ELF1: variants seen among roughly 807,000 people sequenced by gnomAD.
The protein encoded by ELF1 is E74 like ETS transcription factor 1.
In ELF1, 24 loss-of-function variants were observed where a neutral mutation model predicts 59.9. The ratio of observed to expected loss-of-function variants is 0.40; its 90% CI spans 0.29 to 0.56. ELF1 has a LOEUF of 0.56. Ranked by LOEUF, ELF1 falls within the 20% of genes least tolerant of loss-of-function variation. ELF1 has a pLI of 0.44. For missense variants in ELF1, 627 were observed against 742.2 expected, an observed-to-expected ratio of 0.84 and a Z score of 1.80; for synonymous variants, 248 against 266.2, an observed-to-expected ratio of 0.93 and a Z score of 0.67.
At chr13:41,053,887 G>A (rs1877190130) in intron 1 of ELF1, among the ~76,000 whole-genome samples, 2 of 152,054 alleles carry the variant, frequency 1.3e-5, no homozygotes, top group African/African-American at 4.8e-5. Context: ...TACAATTAAG[G>A]CAATCCATCC....
intron 1 of ELF1, among the ~76,000 whole-genome samples, chr13:41,006,565 A>G (rs1336404718): frequency 6.6e-6 from 1 of 152,208 alleles, no homozygotes; most frequent in Non-Finnish European, 1.5e-5. Flanking sequence ...TACCAAGGGC[A>G]GATAAGTATT....
At chr13:41,060,910 C>T (rs1262902455) in exon 1 of ELF1, 2 of 277,186 alleles carry the variant, frequency 7.2e-6, no homozygotes, top group African/African-American at 4.7e-5. Flanking sequence ...ACTGAAGCTG[C>T]TGCTGCCGCC....
intron 3 of ELF1, among the ~76,000 whole-genome samples, chr13:40,956,442 C>T (rs1043848792): frequency 2.0e-5 from 3 of 151,928 alleles, no homozygotes; most frequent in African/African-American, 7.3e-5. Context: ...TGTGGAAGGC[C>T]GCAGGGTCCT....
intron 5 of ELF1, among the ~76,000 whole-genome samples, 170 bp from the exon 6 acceptor site, chr13:40,944,095 T>G (rs1442706909): frequency 1.3e-5 from 2 of 152,226 alleles, no homozygotes; most frequent in African/African-American, 2.4e-5. Context: ...ACAACTTTAA[T>G]AAAACTTGGA....
chr13:40,940,375 C>G (rs9562246), intron 8 of ELF1, among the ~76,000 whole-genome samples: 2 of 120,418 alleles, frequency 1.7e-5, no homozygotes, highest in Non-Finnish European at 3.2e-5. Context: ...TGAGGCAAAT[C>G]TGATTTAACT....
intron 1 of ELF1, among the ~76,000 whole-genome samples, chr13:41,054,296 G>A (rs1301089307): frequency 6.6e-6 from 1 of 152,148 alleles, no homozygotes; most frequent in Non-Finnish European, 1.5e-5. Flanking sequence ...TCTATTTAAT[G>A]AGCATCACTG....
chr13:40,944,899 C>A (rs1870411290), intron 5 of ELF1, among the ~76,000 whole-genome samples: 1 of 151,976 alleles, frequency 6.6e-6, no homozygotes, highest in Non-Finnish European at 1.5e-5. Flanking sequence ...ATCACAAGGT[C>A]AGTGACAATT....
chr13:40,982,244 C>A lies in ELF1; in HGVS notation c.-190G>T. 3.9e-6 allele frequency: 5 copies of A among 1,271,738 alleles called. No homozygotes were observed. Among genetic ancestry groups the A allele is most frequent in the Middle Eastern group, 2.1e-4 (1 of 4,724 alleles). 78.8% of individuals were successfully genotyped at this position (1,271,738 alleles called of 1,614,324 possible). On this transcript the variant is annotated 5_prime_UTR_variant, in exon 2 of 9. Transcript: ENST00000239882. Reference sequence around the variant, plus strand: ...CATTGATATTCTAGTCAAATTGAGACAATTTTTCTGAAATTTTTCTTCTCT... The same window carrying A: ...CATTGATATTCTAGTCAAATTGAGAAAATTTTTCTGAAATTTTTCTTCTCT...
intron 1 of ELF1, among the ~76,000 whole-genome samples, chr13:41,039,336 T>TTA (rs1491580617): frequency 8.7e-5 from 9 of 102,894 alleles, no homozygotes; most frequent in African/African-American, 2.6e-4. Flanking sequence ...GTCCTTTTTT[T>TTA]AAAAAAAAAA....
At chr13:41,051,745 T>C (rs1877096688) in intron 1 of ELF1, among the ~76,000 whole-genome samples, 1 of 152,112 alleles carries the variant, frequency 6.6e-6, no homozygotes, top group Admixed American at 6.5e-5. Flanking sequence ...GCTAGGCACC[T>C]TCCCACAAAT....
upstream of ELF1, among the ~76,000 whole-genome samples, chr13:41,023,705 C>G (rs192793446): frequency 6.6e-6 from 1 of 152,294 alleles, no homozygotes; most frequent in Non-Finnish European, 1.5e-5. Flanking sequence ...GTACTTTTTA[C>G]CACCCACAAA....
Position 40,956,065 on chromosome 13 carries a change from G to A in ELF1, c.253+2771C>T, listed in dbSNP as rs576267572. 3.3e-5 allele frequency among the ~76,000 whole-genome samples: 5 copies of A among 149,690 alleles called. No homozygotes were observed. The South Asian group carries it at 1.1e-3, about 33-fold the overall frequency. ...CTCTGCCCGGCCACCACCCCGTCTG[G>A]GAGGTGTACTCAACAGCTCATTGAG... On this transcript the variant is annotated intron_variant, in intron 3 of 8. Coordinates refer to ENST00000239882, the MANE Select transcript of ELF1 (RefSeq NM_172373.4).
At chr13:41,031,331 G>T (rs1876153620) in intron 1 of ELF1, among the ~76,000 whole-genome samples, 1 of 152,090 alleles carries the variant, frequency 6.6e-6, no homozygotes, top group Admixed American at 6.5e-5. Context: ...ACAACTAACT[G>T]TAAGTGTGGA....
In ELF1 at chr13:40,951,352, G is replaced by A. The variant is rs371592585; in HGVS notation, c.338C>T (p.Pro113Leu). 50 of 1,611,906 alleles carry A rather than the reference G, an allele frequency of 3.1e-5. No homozygotes were observed. The highest frequency in any genetic ancestry group is 5.3e-5 in the African/African-American group (4 of 74,792). The change falls in exon 4 of 9, where the codon CCT (proline) becomes CTT (leucine). Residue 113 changes from proline to leucine, a missense_variant. Transcript: ENST00000239882. The stretch of plus-strand genomic sequence containing the variant: ...ACTTATTCGTTTTTCATCCAGCATA[G>A]GGCCAGGGGAATCCATATTGAGGAG... ...EALLNMDSPG[P>L]MLDEKRINNN...
intron 1 of ELF1, among the ~76,000 whole-genome samples, chr13:41,002,161 C>T (rs576247083): frequency 2.6e-5 from 4 of 152,192 alleles, no homozygotes; most frequent in Non-Finnish European, 5.9e-5. Flanking sequence ...CCAGGTAAAG[C>T]TGATTTACTT....
At chr13:40,993,245 A>G in intron 1 of ELF1, 1 of 1,580,918 alleles carries the variant, frequency 6.3e-7, no homozygotes. Flanking sequence ...CACCAACAAA[A>G]GCAACAGATG....
rs397705498 is a variant in ELF1 at position 40,944,878 on chromosome 13, T to TA, written c.530-954dup. ...ACTTAGAAAAGCAGAATTTTACAGC[T>TA]AAAAAAAAAAATCACAAGGTCAGTG... On this transcript the variant is annotated intron_variant, in intron 5 of 8. Coordinates refer to ENST00000239882, the MANE Select transcript of ELF1 (RefSeq NM_172373.4). Among the ~76,000 whole-genome samples the TA allele has an allele frequency of 8.3e-3, 1,201 of 145,086 alleles. 13 individuals are homozygous for TA. The highest frequency in any genetic ancestry group is 0.028 in the African/African-American group (1,112 of 39,722).
rs957863807 is a variant in ELF1, at chr13:41,030,814, GT to G, written c.-229+30023del. ...AGAGAAAGCTTTTTTGATTTGGGTT[GT>G]TTTTTTTGGGGGGTGGGGGGTGCAG... On this transcript the variant is annotated intron_variant, in intron 1 of 1. Transcript: ENST00000405737. Among the ~76,000 whole-genome samples, 15 of 146,220 alleles carry G rather than the reference GT, an allele frequency of 1.0e-4. No homozygotes were observed. In the East Asian group the frequency reaches 1.0e-3, roughly 10 times the overall value.
intron 1 of ELF1, among the ~76,000 whole-genome samples, chr13:41,037,323 G>A (rs914411455): frequency 5.3e-5 from 8 of 152,122 alleles, no homozygotes; most frequent in Non-Finnish European, 1.0e-4. Flanking sequence ...ACCCAGTCAA[G>A]TAACAGAATA....
Sources: allele counts gnomAD v4.1 joint callset (sites outside exome capture counted in the v4.1 genomes callset), GRCh38; gene constraint gnomAD v4.1.1; transcripts MANE v1.5; gene names NCBI Gene and HGNC (gene_info 2026-07-23, HGNC 2026-07-21).